The following YAP1 variants were observed in gnomAD, a reference collection of about 807,000 sequenced individuals.
YAP1 encodes the protein Yes1 associated transcriptional regulator, also known as transcriptional coactivator YAP1.
Under a neutral mutation model 56.9 loss-of-function variants are expected in YAP1, and 5 were observed. That is an observed-to-expected ratio of 0.09 (90% CI 0.05 to 0.18). The LOEUF is 0.18. Ranked by LOEUF, YAP1 falls within the 10% of genes least tolerant of loss-of-function variation. The pLI is 1.00. For synonymous variants in YAP1, 265 were observed against 248.1 expected (o/e 1.07, Z -0.64); for missense variants, 539 against 651.8 (o/e 0.83, Z 1.88).
At chr11:102,174,673 T>C (rs73582051) in intron 3 of YAP1, among the ~76,000 whole-genome samples, 1,622 of 152,262 alleles carry the variant, frequency 0.011, 35 homozygotes, top group African/African-American at 0.038. Flanking sequence ...TTTCCACAGA[T>C]AGGCTCTTAA....
At chr11:102,174,798 C>T (rs558793723) in intron 3 of YAP1, among the ~76,000 whole-genome samples, 1 of 152,224 alleles carries the variant, frequency 6.6e-6, no homozygotes, top group East Asian at 1.9e-4. Flanking sequence ...GAGAAGGATG[C>T]AGGCAAATGA....
chr11:102,202,422 G>A (rs565035184), intron 4 of YAP1, among the ~76,000 whole-genome samples: 53 of 148,878 alleles, frequency 3.6e-4, no homozygotes, highest in Admixed American at 8.8e-4. Context: ...CTCGTGATCC[G>A]CCTGTCTCGG....
chr11:102,196,649 G>T (rs1392080441), intron 4 of YAP1, among the ~76,000 whole-genome samples: 5 of 145,746 alleles, frequency 3.4e-5, no homozygotes, highest in Non-Finnish European at 6.0e-5. Flanking sequence ...TTTTTGAAGT[G>T]ATGAAAATGT....
At position 102,229,790 on chromosome 11, in the gene YAP1, T is replaced by C. The variant is rs1950373361; in HGVS notation, c.1365T>C (p.Leu455=). 6.2e-7 allele frequency: 1 copy of C among 1,614,156 alleles called. No homozygotes were observed. The highest frequency in any genetic ancestry group is 8.5e-7 in the Non-Finnish European group (1 of 1,180,008). ...LEAIPGTNVD[L]GTLEGDGMNI... is the part of the protein sequence containing the mutation. ...CCATTCCTGGGACAAATGTGGACCT[T>C]GGAACACTGGAAGGAGATGGAATGA... The change falls in exon 9 of 9, where the codon CTT becomes CTC. Residue 455 remains leucine (L), a synonymous_variant. Transcript: ENST00000282441.
intron 4 of YAP1, among the ~76,000 whole-genome samples, chr11:102,200,831 A>G (rs1441393008): frequency 1.3e-5 from 2 of 152,210 alleles, no homozygotes; most frequent in African/African-American, 4.8e-5. Context: ...CAGATTTCTT[A>G]TCCTTAGTGT....
chr11:102,154,142 G>A (rs1945816446), intron 2 of YAP1, among the ~76,000 whole-genome samples: 1 of 152,118 alleles, frequency 6.6e-6, no homozygotes, highest in Non-Finnish European at 1.5e-5. Flanking sequence ...TAACTTGAGA[G>A]GTTCAAAGAA....
At chr11:102,147,139 C>T (rs1945368188) in intron 2 of YAP1, among the ~76,000 whole-genome samples, 1 of 152,168 alleles carries the variant, frequency 6.6e-6, no homozygotes, top group Admixed American at 6.5e-5. Context: ...ACTTAGGATT[C>T]TAGCTCTGTT....
intron 3 of YAP1, among the ~76,000 whole-genome samples, chr11:102,164,818 G>C (rs1946503883): frequency 6.6e-6 from 1 of 152,128 alleles, no homozygotes; most frequent in Admixed American, 6.5e-5. Context: ...CGCCTCCCTG[G>C]TTCAAGTGAT....
At chr11:102,140,733 C>T (rs1201114997) in intron 2 of YAP1, among the ~76,000 whole-genome samples, 3 of 151,978 alleles carry the variant, frequency 2.0e-5, no homozygotes, top group Non-Finnish European at 4.4e-5. Flanking sequence ...ATCCTAGCTA[C>T]TTGGGAGGGT....
Position 102,164,034 on chromosome 11 carries a change from A to T in YAP1, c.688+1463A>T, listed in dbSNP as rs867618365. Among the ~76,000 whole-genome samples, 770 of 142,918 alleles carry T rather than the reference A, an allele frequency of 5.4e-3. 6 individuals carry two copies. Among genetic ancestry groups the T allele is most frequent in the African/African-American group, 0.019 (734 of 39,154 alleles). The allele number at this position is 142,918 out of a possible 152,430, so 93.8% of individuals were successfully genotyped here. ...TTTTATATGTGACACTTAAGTAAAA[A>T]TTTTTTTTTTTTTTTTTTATTGAGA... On this transcript the variant is annotated intron_variant, in intron 3 of 8. Coordinates refer to ENST00000282441, the MANE Select transcript of YAP1 (RefSeq NM_001130145.3).
At chr11:102,229,003 A>C (rs1314279100) in intron 8 of YAP1, among the ~76,000 whole-genome samples, 2 of 151,542 alleles carry the variant, frequency 1.3e-5, no homozygotes, top group African/African-American at 4.9e-5. Context: ...ACCTTTACTT[A>C]CTCCTCTAAT....
chr11:102,199,724 T>C lies in YAP1; in HGVS notation c.803-6169T>C, dbSNP rs144910115. On this transcript the variant is annotated intron_variant, in intron 4 of 8. Transcript: ENST00000282441. Reference sequence around the variant, plus strand: ...ATAAAACCACATGAAGCATTGAGGGTAGTGCTAGAGGCCTGCCAGTTTTAG... The same window carrying C: ...ATAAAACCACATGAAGCATTGAGGGCAGTGCTAGAGGCCTGCCAGTTTTAG... Among the ~76,000 whole-genome samples, 892 of 152,252 alleles carry C rather than the reference T, an allele frequency of 5.9e-3. 8 individuals are homozygous for C. Among genetic ancestry groups the C allele is most frequent in the African/African-American group, 0.02 (851 of 41,532 alleles).
intron 3 of YAP1, among the ~76,000 whole-genome samples, chr11:102,180,681 CAAAAAAAAAAAA>C (rs58820066): frequency 1.3e-3 from 55 of 42,612 alleles, no homozygotes; most frequent in Non-Finnish European, 2.2e-3. Context: ...GACTCCATCT[CAAAAAAAAAAAA>C]AAAAAAAAAG....
intron 1 of YAP1, chr11:102,112,425 C>CTTTTTTTTTTTTTTT (rs751339753): frequency 1.1e-5 from 8 of 704,136 alleles, no homozygotes; most frequent in Admixed American, 9.1e-5. Flanking sequence ...ATTTCTTCTT[C>CTTTTTTTTTTTTTTT]TTTTTTTTTT....
In YAP1 at chr11:102,116,621, G is replaced by A. The variant is rs183520549; in HGVS notation, c.572+2227G>A. 6.6e-5 allele frequency among the ~76,000 whole-genome samples: 10 copies of A among 152,306 alleles called. No individual in the cohort carries two copies. In the East Asian group the frequency reaches 1.5e-3, roughly 23 times the overall value. Reference sequence around the variant, plus strand: ...CTAAAATAAATAAATCTCAAATTATGTCATAGGAGAAAAGGTTGCAAGGGT... The same window carrying A: ...CTAAAATAAATAAATCTCAAATTATATCATAGGAGAAAAGGTTGCAAGGGT... On this transcript the variant is annotated intron_variant, in intron 2 of 8. Coordinates refer to ENST00000282441, the MANE Select transcript of YAP1 (RefSeq NM_001130145.3).
intron 3 of YAP1, among the ~76,000 whole-genome samples, chr11:102,173,078 T>TTGAAG (rs1250489311): frequency 6.6e-6 from 1 of 152,138 alleles, no homozygotes; most frequent in East Asian, 1.9e-4. Context: ...TGGAGGGCAG[T>TTGAAG]TGCAGTAACC....
intron 2 of YAP1, among the ~76,000 whole-genome samples, chr11:102,160,189 A>G (rs1425134988): frequency 6.6e-6 from 1 of 151,160 alleles, no homozygotes; most frequent in African/African-American, 2.4e-5. Flanking sequence ...ATGCCTGGCT[A>G]ATTCTGTGTT....
intron 4 of YAP1, among the ~76,000 whole-genome samples, chr11:102,205,369 T>A (rs1283201663): frequency 5.3e-5 from 8 of 152,184 alleles, no homozygotes; most frequent in Non-Finnish European, 1.0e-4. Flanking sequence ...GTCTTAATTT[T>A]TGTGGATGAA....
intron 4 of YAP1, chr11:102,186,532 G>A (rs1208611512): frequency 4.2e-6 from 1 of 238,406 alleles, no homozygotes; most frequent in African/African-American, 2.4e-5. Flanking sequence ...CTTGTGCTTA[G>A]GTTCTGAGAG....
Sources: allele counts gnomAD v4.1 joint callset (sites outside exome capture counted in the v4.1 genomes callset), GRCh38; gene constraint gnomAD v4.1.1; transcripts MANE v1.5; gene names NCBI Gene and HGNC (gene_info 2026-07-23, HGNC 2026-07-21).